The following CD80 variants were observed in gnomAD, a reference collection of about 807,000 sequenced individuals.
The protein encoded by CD80 is T-lymphocyte activation antigen CD80.
CD80 carries 13 observed loss-of-function variants against 27.1 expected under a neutral mutation model. The ratio of observed to expected loss-of-function variants is 0.48; its 90% CI spans 0.31 to 0.76. The LOEUF (loss-of-function observed/expected upper bound fraction) is 0.76. CD80 is among the 30% of genes least tolerant of loss of function. CD80 has a pLI of 0.04. For missense variants in CD80, 277 were observed against 347.9 expected (o/e 0.80, Z 1.62); for synonymous variants, 125 against 125.5 (o/e 1.00, Z 0.03).
chr3:119,541,857 T>C (rs2082170788), intron 3 of CD80, among the ~76,000 whole-genome samples: 1 of 152,190 alleles, frequency 6.6e-6, no homozygotes, highest in Admixed American at 6.5e-5. Context: ...ATTGTCCCCT[T>C]AGCTGTCCTT....
At chr3:119,530,873 CA>C (rs1219956545) in intron 4 of CD80, among the ~76,000 whole-genome samples, 4 of 152,176 alleles carry the variant, frequency 2.6e-5, no homozygotes, top group Admixed American at 2.6e-4. Context: ...AATGTTCCCC[CA>C]AAATGCTAGT....
rs1360758059 is a variant in CD80 at position 119,555,798 on chromosome 3, C to T, written c.100+1831G>A. Among the ~76,000 whole-genome samples, 19 of 152,190 alleles carry T rather than the reference C, an allele frequency of 1.2e-4. 1 individual carries two copies. Among genetic ancestry groups the T allele is most frequent in the Admixed American group, 7.9e-4 (12 of 15,274 alleles). ...CCATGTCCCCAGGACCAAGAAAAGT[C>T]TCTTGGTTTTAGGAGATGCTCATGT... On this transcript the variant is annotated intron_variant, in intron 2 of 6. Coordinates refer to ENST00000264246, the MANE Select transcript of CD80 (RefSeq NM_005191.4).
intron 2 of CD80, 58 bp from the exon 3 acceptor site, chr3:119,544,925 G>A: frequency 7.3e-7 from 1 of 1,375,940 alleles, no homozygotes; most frequent in African/African-American, 1.4e-5. Context: ...TTCCTGCATG[G>A]TCAGGAATCC....
At chr3:119,549,985 T>G (rs34321347) in intron 2 of CD80, among the ~76,000 whole-genome samples, 20,711 of 152,228 alleles carry the variant, frequency 0.14, 1,516 homozygotes, top group Non-Finnish European at 0.16. Flanking sequence ...CTGTTTCATC[T>G]GTTTCTTCAT....
intron 2 of CD80, among the ~76,000 whole-genome samples, chr3:119,545,594 A>G (rs1213892953): frequency 6.6e-6 from 1 of 152,172 alleles, no homozygotes; most frequent in Non-Finnish European, 1.5e-5. Flanking sequence ...ATAGAATCAT[A>G]CAGTAACAGC....
At chr3:119,557,594 CA>C (rs778110074) in intron 2 of CD80, 34 bp downstream of exon 2, 36 of 1,436,916 alleles carry the variant, frequency 2.5e-5, no homozygotes, top group Non-Finnish European at 3.3e-5. Context: ...AACCCTGTAG[CA>C]GTTGACTCAG....
In CD80 at chr3:119,537,353, AAATTATCCTTCT is replaced by A. The variant is rs1237174668; in HGVS notation, c.472_483del (p.Arg158_Ile161del). The A allele has an allele frequency of 1.2e-6, 2 of 1,613,390 alleles. No homozygotes were observed. The highest frequency in any genetic ancestry group is 1.7e-6 in the Non-Finnish European group (2 of 1,179,388). On this transcript the variant is annotated inframe_deletion, in exon 4 of 7. Transcript: ENST00000264246. ...TCTGGAAAACCTCCAGAGGTTGAGC[AAATTATCCTTCT>A]AATATTAGAAGTTGGAATTTCAAAG...
At chr3:119,544,479 T>C (rs1163883917) in intron 3 of CD80, 71 bp downstream of exon 3, 1 of 1,360,632 alleles carries the variant, frequency 7.3e-7, no homozygotes. Flanking sequence ...TTCACCTAAA[T>C]CAATAGCCAT....
Position 119,537,281 on chromosome 3 carries a change from T to A in CD80, c.556A>T (p.Asn186Tyr). The change falls in exon 4 of 7, where the codon AAC becomes TAC. Residue 186 changes from asparagine (N) to tyrosine (Y), a missense_variant. Coordinates refer to ENST00000264246, the MANE Select transcript of CD80 (RefSeq NM_005191.4). ...TCAGGATCTTGGGAAACTGTTGTGT[T>A]GATGGCATTTAATTCTTCTCCATTT... ...LENGEELNAINTTVSQDPETE... is the reference protein window; with the variant it reads ...LENGEELNAIYTTVSQDPETE... 1.2e-6 allele frequency: 2 copies of A among 1,614,160 alleles called. No homozygotes were observed. The highest frequency in any genetic ancestry group is 1.6e-4 in the Middle Eastern group (1 of 6,062).
chr3:119,556,981 C>G (rs905210124), intron 2 of CD80, among the ~76,000 whole-genome samples: 1 of 152,240 alleles, frequency 6.6e-6, no homozygotes, highest in Admixed American at 6.5e-5. Flanking sequence ...ACTTTCAGGA[C>G]ATATATGTAA....
intron 2 of CD80, among the ~76,000 whole-genome samples, chr3:119,550,174 T>C (rs2082223907): frequency 1.3e-5 from 2 of 152,246 alleles, no homozygotes; most frequent in South Asian, 4.1e-4. Context: ...ATGTCAGATA[T>C]ATAGCACTCT....
intron 4 of CD80, 66 bp from the exon 5 acceptor site, chr3:119,530,003 C>G: frequency 9.5e-6 from 11 of 1,156,610 alleles, no homozygotes; most frequent in Non-Finnish European, 1.4e-5. Context: ...CATTCTGTGC[C>G]TTTTCTATTG....
At chr3:119,558,392 G>A (rs114906237) in intron 1 of CD80, among the ~76,000 whole-genome samples, 2,647 of 152,210 alleles carry the variant, frequency 0.017, 67 homozygotes, top group African/African-American at 0.057. Context: ...AAAGGGGTAT[G>A]AGATCTCAAT....
chr3:119,527,780 G>T lies in CD80; in HGVS notation c.858C>A (p.Arg286=). The T allele has an allele frequency of 1.2e-6, 2 of 1,613,668 alleles. No homozygotes were observed. Among genetic ancestry groups the T allele is most frequent in the Non-Finnish European group, 1.7e-6 (2 of 1,179,632 alleles). ...GCTTCTGCGGACACTGTTATACAGGGCGTACACTTTCCCTTCTCAATCTCT... is the reference window on the plus strand; with the variant it reads ...GCTTCTGCGGACACTGTTATACAGGTCGTACACTTTCCCTTCTCAATCTCT... ...RNERLRRESV[R]PV is the part of the protein sequence containing the mutation. The change falls in exon 6 of 7, where the codon CGC becomes CGA. Residue 286 remains arginine (R), a synonymous_variant. Coordinates refer to ENST00000264246, the MANE Select transcript of CD80 (RefSeq NM_005191.4).
intron 2 of CD80, among the ~76,000 whole-genome samples, chr3:119,546,897 A>G (rs1268965006): frequency 6.6e-6 from 1 of 152,140 alleles, no homozygotes; most frequent in African/African-American, 2.4e-5. Context: ...AACCGTGGGA[A>G]AAATCTAAGA....
intron 1 of CD80, 57 bp from the exon 2 acceptor site, chr3:119,557,985 G>T: frequency 3.3e-6 from 1 of 299,576 alleles, no homozygotes; most frequent in Non-Finnish European, 6.1e-6. Flanking sequence ...ACTTTGAGTT[G>T]CAAAACTCTC....
At position 119,524,608 on chromosome 3, in the gene CD80, C is replaced by T. The variant is rs1218258307; in HGVS notation, c.*1180G>A. The T allele has an allele frequency of 2.0e-5, 3 of 152,202 alleles. No individual in the cohort carries two copies. Among genetic ancestry groups the T allele is most frequent in the Non-Finnish European group, 2.9e-5 (2 of 68,030 alleles). The allele number at this position is 152,202 out of a possible 1,614,324, so 9.4% of individuals were successfully genotyped here. ...TTTAAATCCCAGCCATGTGGCTTAG[C>T]TGCCATGAGATGTGCATTTGAGAAA... On this transcript the variant is annotated 3_prime_UTR_variant, in exon 7 of 7. Transcript: ENST00000264246.
chr3:119,537,184 A>C lies in CD80; in HGVS notation c.653T>G (p.Ile218Ser). 1 of 1,614,044 alleles carries C rather than the reference A, an allele frequency of 6.2e-7. No individual in the cohort carries two copies. The highest frequency in any genetic ancestry group is 1.7e-4 in the Middle Eastern group (1 of 6,060). Residue 218 changes from isoleucine (I) to serine (S), a missense_variant, in exon 4 of 7, where the codon ATC becomes AGC. Physicochemically the swap from Ile to Ser is moderately radical, Grantham distance 142. Transcript: ENST00000264246. ...ATTCACTCTTAAATGTCCATACTTGATGAGACACATGAAGCTGTGGTTGGT... is the reference window on the plus strand; with the variant it reads ...ATTCACTCTTAAATGTCCATACTTGCTGAGACACATGAAGCTGTGGTTGGT... Reference protein sequence around the residue: ...MTTNHSFMCLIKYGHLRVNQT... With the variant: ...MTTNHSFMCLSKYGHLRVNQT...
In CD80 at chr3:119,529,829, T is replaced by C. The variant is rs1265024254; in HGVS notation, c.796+13A>G. ...CAGAATTGAGATCAGGATGATGGTA[T>C]GATAGTACTTACAGTAGGTCAGGCA... On this transcript the variant is annotated intron_variant, in intron 5 of 6. Transcript: ENST00000264246. 2 of 1,520,654 alleles carry C rather than the reference T, an allele frequency of 1.3e-6. No homozygotes were observed. Among genetic ancestry groups the C allele is most frequent in the Admixed American group, 1.7e-5 (1 of 59,848 alleles). 94.2% of individuals were successfully genotyped at this position (1,520,654 alleles called of 1,614,324 possible).
Sources: allele counts gnomAD v4.1 joint callset (sites outside exome capture counted in the v4.1 genomes callset), GRCh38; gene constraint gnomAD v4.1.1; transcripts MANE v1.5; gene names NCBI Gene and HGNC (gene_info 2026-07-23, HGNC 2026-07-21).